The following ZNF860 variants were observed in gnomAD, a reference collection of about 807,000 sequenced individuals.
The protein encoded by ZNF860 is zinc finger protein 860.
For missense variants in ZNF860, 641 were observed against 759.2 expected, an observed-to-expected ratio of 0.84 and a Z score of 1.83; for synonymous variants, 206 against 248.9, an observed-to-expected ratio of 0.83 and a Z score of 1.62.
At chr3:31,997,659 T>A in the ZNF860 span, among the ~76,000 whole-genome samples, 1 of 152,030 alleles carries the variant, frequency 6.6e-6, no homozygotes, top group Non-Finnish European at 1.5e-5. Flanking sequence ...CTTTATCAAA[T>A]AGTCTGCTTA....
At chr3:31,997,199 A>G in the ZNF860 span, among the ~76,000 whole-genome samples, 1 of 152,086 alleles carries the variant, frequency 6.6e-6, no homozygotes, top group Non-Finnish European at 1.5e-5. Context: ...AAATATGACT[A>G]TTACAATGTC....
Position 31,988,903 on chromosome 3 carries a change from C to A in ZNF860, c.-177C>A. ...CAGAGAGACACTGAGCCAGGAACACCCAGCTGAAGTGCCTCCAAACCCCGA... is the reference window on the plus strand; with the variant it reads ...CAGAGAGACACTGAGCCAGGAACACACAGCTGAAGTGCCTCCAAACCCCGA... On this transcript the variant is annotated 5_prime_UTR_variant, in exon 2 of 2. Transcript: ENST00000360311. 3 of 741,898 alleles carry A rather than the reference C, an allele frequency of 4.0e-6. No homozygotes were observed. Among genetic ancestry groups the A allele is most frequent in the Non-Finnish European group, 4.3e-6 (2 of 460,956 alleles). 46.0% of individuals were successfully genotyped at this position (741,898 alleles called of 1,614,324 possible). A position where few individuals can be genotyped will look rare whatever the true frequency, so the allele number is the denominator to read the frequency against.
At chr3:32,003,753 A>G in the ZNF860 span, among the ~76,000 whole-genome samples, 1 of 152,146 alleles carries the variant, frequency 6.6e-6, no homozygotes, top group Non-Finnish European at 1.5e-5. Context: ...AGGGCACTGC[A>G]GTGTGTGGTC....
chr3:31,993,269 G>A (rs1699054043), downstream of ZNF860, among the ~76,000 whole-genome samples: 1 of 151,066 alleles, frequency 6.6e-6, no homozygotes, highest in African/African-American at 2.4e-5. Context: ...GAGTGCAATG[G>A]CACGATCTCA....
chr3:31,989,124 A>T lies in ZNF860; in HGVS notation c.45A>T (p.Pro15=). The change falls in exon 2 of 2, where the codon CCA becomes CCT. Residue 15 remains proline, a synonymous_variant. Coordinates refer to ENST00000360311, the MANE Select transcript of ZNF860 (RefSeq NM_001137674.3). ...EAAQKRKEKE[P]GMALPQGHLT... ...CTCAGAAGAGGAAAGAAAAGGAGCC[A>T]GGCATGGCTCTTCCTCAGGGACACT... 1 of 1,614,202 alleles carries T rather than the reference A, an allele frequency of 6.2e-7. No homozygotes were observed. Among genetic ancestry groups the T allele is most frequent in the South Asian group, 1.1e-5 (1 of 91,080 alleles).
At chr3:32,001,936 T>C in the ZNF860 span, among the ~76,000 whole-genome samples, 8 of 152,198 alleles carry the variant, frequency 5.3e-5, no homozygotes, top group Non-Finnish European at 1.2e-4. Flanking sequence ...ATTATTATGC[T>C]TAATAAAATA....
downstream of ZNF860, among the ~76,000 whole-genome samples, chr3:31,993,324 C>T (rs980474799): frequency 3.9e-5 from 6 of 152,012 alleles, no homozygotes; most frequent in Non-Finnish European, 7.4e-5. Context: ...CTTCTCCTGC[C>T]TCAGCCTCCC....
In ZNF860 at chr3:31,990,232, C is replaced by G. The variant is rs1488832545; in HGVS notation, c.1153C>G (p.Leu385Val). 3 of 1,613,908 alleles carry G rather than the reference C, an allele frequency of 1.9e-6. No homozygotes were observed. The highest frequency in any genetic ancestry group is 2.5e-6 in the Non-Finnish European group (3 of 1,179,934). ...CGKAFSGQST[L>V]IHHQAIHGIG... ...CAAAGCCTTTAGTGGGCAGTCAACACTTATTCACCATCAAGCAATCCATGG... is the reference window on the plus strand; with the variant it reads ...CAAAGCCTTTAGTGGGCAGTCAACAGTTATTCACCATCAAGCAATCCATGG... Residue 385 changes from leucine to valine, a missense_variant, in exon 2 of 2, where the codon CTT (leucine) becomes GTT (valine). Leu to Val is a conservative substitution (Grantham distance 32, BLOSUM62 1). Transcript: ENST00000360311.
At position 31,989,737 on chromosome 3, in the gene ZNF860, A is replaced by G; in HGVS notation, c.658A>G (p.Lys220Glu). ...NFFHSSLLTL[K>E]QEVHIREKSF... is the part of the protein sequence containing the mutation. ...CTTCCATTCATCATTACTCACACTA[A>G]AACAGGAAGTACACATAAGAGAAAA... Residue 220 changes from lysine (K) to glutamate (E), a missense_variant, in exon 2 of 2, where the codon AAA (lysine) becomes GAA (glutamate). Transcript: ENST00000360311. 2 of 1,614,170 alleles carry G rather than the reference A, an allele frequency of 1.2e-6. No homozygotes were observed. Among genetic ancestry groups the G allele is most frequent in the Non-Finnish European group, 1.7e-6 (2 of 1,180,020 alleles).
intron 1 of ZNF860, among the ~76,000 whole-genome samples, chr3:31,984,590 G>C (rs1275354340): frequency 2.0e-5 from 3 of 152,124 alleles, no homozygotes; most frequent in African/African-American, 7.2e-5. Context: ...CAATAGTGGT[G>C]TTATCTATAG....
chr3:31,991,578 A>C lies in ZNF860; in HGVS notation c.*600A>C, dbSNP rs1699030377. Reference sequence around the variant, plus strand: ...TTGTTAATGTATGGAAATTTAACTAATTTTTGGTACTGATATTGTATTCTG... The same window carrying C: ...TTGTTAATGTATGGAAATTTAACTACTTTTTGGTACTGATATTGTATTCTG... On this transcript the variant is annotated 3_prime_UTR_variant, in exon 2 of 2. Transcript: ENST00000360311. 1 of 166,702 alleles carries C rather than the reference A, an allele frequency of 6.0e-6. No individual in the cohort carries two copies. The highest frequency in any genetic ancestry group is 1.5e-5 in the Non-Finnish European group (1 of 68,160). 10.3% of individuals were successfully genotyped at this position (166,702 alleles called of 1,614,324 possible).
the ZNF860 span, among the ~76,000 whole-genome samples, chr3:32,001,065 G>A: frequency 1.3e-5 from 2 of 152,192 alleles, no homozygotes; most frequent in Non-Finnish European, 2.9e-5. Context: ...TAAACAGGCA[G>A]AGTTGAGAGA....
At chr3:32,001,924 A>G in the ZNF860 span, among the ~76,000 whole-genome samples, 3 of 152,182 alleles carry the variant, frequency 2.0e-5, no homozygotes, top group Non-Finnish European at 4.4e-5. Context: ...TGAAGAAGAG[A>G]GATTATTATG....
At chr3:31,988,555 C>T (rs1464863125) in intron 1 of ZNF860, 105 bp from the exon 2 acceptor site, 1 of 160,726 alleles carries the variant, frequency 6.2e-6, no homozygotes, top group Non-Finnish European at 1.4e-5. Context: ...TGGCAGAAGT[C>T]ATGGTATATC....
chr3:31,992,757 G>A (rs1699047912), downstream of ZNF860, among the ~76,000 whole-genome samples: 1 of 152,220 alleles, frequency 6.6e-6, no homozygotes, highest in Admixed American at 6.5e-5. Context: ...ACTTTGGGAG[G>A]CCAAGGCAGG....
chr3:31,989,799 T>C lies in ZNF860; in HGVS notation c.720T>C (p.Asn240=). 3 of 1,614,170 alleles carry C rather than the reference T, an allele frequency of 1.9e-6. No homozygotes were observed. Among genetic ancestry groups the C allele is most frequent in the South Asian group, 1.1e-5 (1 of 91,084 alleles). ...GTAATGAGAGTGGCAAAGCCTTTAA[T>C]TGTAGCTCACTCTTAAGGAAACATC... ...FQCNESGKAF[N]CSSLLRKHQI... The change falls in exon 2 of 2, where the codon AAT becomes AAC. Residue 240 remains asparagine (N), a synonymous_variant. Coordinates refer to ENST00000360311, the MANE Select transcript of ZNF860 (RefSeq NM_001137674.3).
chr3:31,986,866 A>G (rs1408475304), intron 1 of ZNF860, among the ~76,000 whole-genome samples: 3 of 152,044 alleles, frequency 2.0e-5, no homozygotes, highest in Admixed American at 2.0e-4. Context: ...TAAGCCAGCC[A>G]CAGTGGCACA....
At position 31,988,993 on chromosome 3, in the gene ZNF860, T is replaced by C. The variant is rs1219199790; in HGVS notation, c.-87T>C. Reference sequence around the variant, plus strand: ...AGCCACGAAGTTTGTGATAATTTGTTTCTCGGAAACAGATAACTAATACAG... The same window carrying C: ...AGCCACGAAGTTTGTGATAATTTGTCTCTCGGAAACAGATAACTAATACAG... On this transcript the variant is annotated 5_prime_UTR_variant, in exon 2 of 2. Transcript: ENST00000360311. 1.5e-5 allele frequency: 23 copies of C among 1,536,328 alleles called. No homozygotes were observed. The highest frequency in any genetic ancestry group is 1.9e-5 in the Non-Finnish European group (21 of 1,131,870).
the ZNF860 span, among the ~76,000 whole-genome samples, chr3:32,002,754 G>T: frequency 6.6e-6 from 1 of 152,220 alleles, no homozygotes; most frequent in African/African-American, 2.4e-5. Flanking sequence ...CAAGAAGGGG[G>T]TTGTTGTGAC....
Sources: allele counts gnomAD v4.1 joint callset (sites outside exome capture counted in the v4.1 genomes callset), GRCh38; gene constraint gnomAD v4.1.1; transcripts MANE v1.5; gene names NCBI Gene and HGNC (gene_info 2026-07-23, HGNC 2026-07-21).